The following VPS26A variants were observed in gnomAD, a reference collection of about 807,000 sequenced individuals.
VPS26A encodes vacuolar protein sorting-associated protein 26A.
A neutral mutation model predicts 42.4 loss-of-function variants in VPS26A; 22 were observed. The observed-to-expected ratio is 0.52, with a 90% CI of 0.37 to 0.74. VPS26A has a LOEUF of 0.74. VPS26A is among the 30% of genes least tolerant of loss of function. The pLI is 0.00. For missense variants in VPS26A, 276 were observed against 379.2 expected (o/e 0.73, Z 2.26); for synonymous variants, 110 against 123.5 (o/e 0.89, Z 0.73).
chr10:69,157,255 T>C, intron 4 of VPS26A, 92 bp downstream of exon 4: 1 of 1,435,458 alleles, frequency 7.0e-7, no homozygotes, highest in Non-Finnish European at 9.3e-7. Flanking sequence ...ATTATAATTC[T>C]GTATTGGAAG....
chr10:69,141,199 A>G (rs925483759), intron 2 of VPS26A, among the ~76,000 whole-genome samples: 1 of 152,248 alleles, frequency 6.6e-6, no homozygotes, highest in African/African-American at 2.4e-5. Context: ...AAAAGTGGAT[A>G]TCATTTATAG....
At chr10:69,157,371 C>T (rs958020332) in intron 4 of VPS26A, among the ~76,000 whole-genome samples, 1 of 152,154 alleles carries the variant, frequency 6.6e-6, no homozygotes, top group East Asian at 1.9e-4. Context: ...TGAGACATTT[C>T]AGTTATACAC....
intron 1 of VPS26A, among the ~76,000 whole-genome samples, chr10:69,127,296 G>A (rs1486266804): frequency 6.6e-6 from 1 of 150,662 alleles, no homozygotes; most frequent in Non-Finnish European, 1.5e-5. Context: ...AATGTTGGTC[G>A]GGCGTGGTGC....
At chr10:69,150,992 G>A (rs1011330243) in intron 2 of VPS26A, among the ~76,000 whole-genome samples, 2 of 151,900 alleles carry the variant, frequency 1.3e-5, no homozygotes, top group Admixed American at 6.6e-5. Flanking sequence ...TAGGTTGGGC[G>A]TGGTGGCACA....
At chr10:69,156,630 T>G (rs1042268299) in intron 3 of VPS26A, among the ~76,000 whole-genome samples, 2 of 152,130 alleles carry the variant, frequency 1.3e-5, no homozygotes, top group African/African-American at 4.8e-5. Flanking sequence ...GTTTTAGTCT[T>G]TTTGTGTTTT....
chr10:69,169,567 G>A lies in VPS26A; in HGVS notation c.870+936G>A, dbSNP rs555686223. On this transcript the variant is annotated intron_variant, in intron 8 of 8. Coordinates refer to ENST00000263559, the MANE Select transcript of VPS26A (RefSeq NM_004896.5). The stretch of plus-strand genomic sequence containing the variant: ...CTGCCTTGGCCTCCCAAAGTGCTGG[G>A]ATTACAGGCGTGAGCCACCATGCCC... Among the ~76,000 whole-genome samples, 27 of 151,600 alleles carry A rather than the reference G, an allele frequency of 1.8e-4. No individual in the cohort carries two copies. In the East Asian group the frequency reaches 5.3e-3, roughly 30 times the overall value.
intron 4 of VPS26A, among the ~76,000 whole-genome samples, chr10:69,157,815 C>A (rs1841465303): frequency 1.3e-5 from 2 of 152,150 alleles, no homozygotes; most frequent in Admixed American, 1.3e-4. Flanking sequence ...GACAGCCCTC[C>A]AAACTCATCT....
intron 1 of VPS26A, among the ~76,000 whole-genome samples, chr10:69,127,616 G>A (rs963750035): frequency 1.3e-5 from 2 of 150,986 alleles, no homozygotes; most frequent in East Asian, 1.9e-4. Context: ...TGGTTAAAGT[G>A]CAGTAATTTA....
intron 4 of VPS26A, among the ~76,000 whole-genome samples, chr10:69,157,682 C>T (rs1055519599): frequency 3.3e-5 from 5 of 152,102 alleles, no homozygotes; most frequent in Non-Finnish European, 5.9e-5. Flanking sequence ...GCATCAGGTC[C>T]GAGATCTTGC....
chr10:69,157,250 A>G, intron 4 of VPS26A, 87 bp downstream of exon 4: 1 of 1,440,996 alleles, frequency 6.9e-7, no homozygotes, highest in Non-Finnish European at 9.3e-7. Flanking sequence ...CTCTAATTAT[A>G]ATTCTGTATT....
chr10:69,126,201 C>T (rs1281081121), intron 1 of VPS26A, among the ~76,000 whole-genome samples: 2 of 150,728 alleles, frequency 1.3e-5, no homozygotes, highest in East Asian at 3.9e-4. Context: ...TGGCTCACAC[C>T]TGTAATCCCA....
Position 69,158,127 on chromosome 10 carries a change from C to T in VPS26A, c.467C>T (p.Thr156Ile). The T allele has an allele frequency of 6.2e-7, 1 of 1,613,232 alleles. No individual in the cohort carries two copies. Among genetic ancestry groups the T allele is most frequent in the Non-Finnish European group, 8.5e-7 (1 of 1,179,622 alleles). The change falls in exon 5 of 9, where the codon ACC (threonine) becomes ATC (isoleucine). Residue 156 changes from threonine (T) to isoleucine (I), a missense_variant. Physicochemically the swap from Thr to Ile is moderately conservative, Grantham distance 89. Transcript: ENST00000263559. Reference sequence around the variant, plus strand: ...GATCTTATTGTTCACCAGCTTGCCACCTATCCTGATGTTAACAACTCTATT... The same window carrying T: ...GATCTTATTGTTCACCAGCTTGCCATCTATCCTGATGTTAACAACTCTATT... The part of the protein sequence containing the change: ...EYDLIVHQLA[T>I]YPDVNNSIKM...
chr10:69,140,073 GT>G (rs112819751), intron 2 of VPS26A, among the ~76,000 whole-genome samples: 70 of 141,794 alleles, frequency 4.9e-4, no homozygotes, highest in Admixed American at 6.4e-4. Context: ...TTTCCCCAAT[GT>G]TTTTTTTTTT....
intron 2 of VPS26A, among the ~76,000 whole-genome samples, chr10:69,154,406 C>G (rs955216272): frequency 2.6e-5 from 4 of 152,124 alleles, no homozygotes; most frequent in African/African-American, 9.7e-5. Context: ...CGTGGTGGCA[C>G]ATGCCTGTAA....
intron 2 of VPS26A, among the ~76,000 whole-genome samples, chr10:69,146,880 C>A (rs374886200): frequency 1.3e-5 from 2 of 152,280 alleles, no homozygotes; most frequent in African/African-American, 2.4e-5. Flanking sequence ...AATAATACTG[C>A]TGTGAACATT....
chr10:69,145,424 T>G (rs1382314652), intron 2 of VPS26A, among the ~76,000 whole-genome samples: 1 of 152,172 alleles, frequency 6.6e-6, no homozygotes, highest in African/African-American at 2.4e-5. Flanking sequence ...AGGAGTCAAG[T>G]TTATTTTTCT....
chr10:69,128,067 A>C (rs943244686), intron 1 of VPS26A, among the ~76,000 whole-genome samples: 1 of 140,248 alleles, frequency 7.1e-6, no homozygotes, highest in South Asian at 2.1e-4. Context: ...AGTTTTTCAC[A>C]TATTTTTAAT....
At chr10:69,163,788 C>T (rs1336321439) in intron 6 of VPS26A, among the ~76,000 whole-genome samples, 2 of 136,292 alleles carry the variant, frequency 1.5e-5, no homozygotes, top group Non-Finnish European at 3.1e-5. Flanking sequence ...TTTTTTGAGA[C>T]GGAGTCTCGC....
chr10:69,136,958 A>G (rs1840924942), intron 2 of VPS26A, among the ~76,000 whole-genome samples: 1 of 151,166 alleles, frequency 6.6e-6, no homozygotes, highest in Admixed American at 6.6e-5. Context: ...TGCCCAGCTA[A>G]TTTTTGTATT....
Sources: allele counts gnomAD v4.1 joint callset (sites outside exome capture counted in the v4.1 genomes callset), GRCh38; gene constraint gnomAD v4.1.1; transcripts MANE v1.5; gene names NCBI Gene and HGNC (gene_info 2026-07-23, HGNC 2026-07-21).